Variants in PCDH10 observed in about 807,000 individuals in gnomAD.
PCDH10 encodes protocadherin 10.
A neutral mutation model predicts 74.4 loss-of-function variants in PCDH10; 15 were observed. The ratio of observed to expected loss-of-function variants is 0.20; its 90% CI spans 0.13 to 0.31. The LOEUF (loss-of-function observed/expected upper bound fraction) is 0.31, where lower values mean the gene tolerates loss of function less well. Ranked by LOEUF, PCDH10 falls within the 10% of genes least tolerant of loss-of-function variation. The pLI is 1.00. For synonymous variants in PCDH10, 619 were observed against 589.8 expected (o/e 1.05, Z -0.72); for missense variants, 1,260 against 1,390.2 (o/e 0.91, Z 1.49).
At position 133,163,260 on chromosome 4, in the gene PCDH10, G is replaced by T; in HGVS notation, c.3081G>T (p.Ala1027=). The T allele has an allele frequency of 1.2e-6, 2 of 1,612,426 alleles. No homozygotes were observed. Among genetic ancestry groups the T allele is most frequent in the Non-Finnish European group, 1.7e-6 (2 of 1,179,252 alleles). Residue 1027 remains alanine, a synonymous_variant, in exon 4 of 5, where the codon GCG becomes GCT. Transcript: ENST00000264360. ...ATGGACTGCTGACTAATACGCGAGC[G>T]CCTTACAAACCACCATATTTGAGTA... ...ELDGLLTNTR[A]PYKPPYLTRK...
At position 133,154,353 on chromosome 4, in the gene PCDH10, G is replaced by A. The variant is rs771793990; in HGVS notation, c.2678G>A (p.Arg893His). 14 of 1,603,846 alleles carry A rather than the reference G, an allele frequency of 8.7e-6. No individual in the cohort carries two copies. The highest frequency in any genetic ancestry group is 6.7e-5 in the East Asian group (3 of 44,618). The change falls in exon 2 of 5, where the codon CGC (arginine) becomes CAC (histidine). Residue 893 changes from arginine (R) to histidine (H), a missense_variant. Arg to His is a conservative substitution (Grantham distance 29). Around this residue, in one of 11 missense-constraint regions of PCDH10, gnomAD observed 587 missense variants for 616.9 expected, o/e 0.95. Coordinates refer to ENST00000264360, the MANE Select transcript of PCDH10 (RefSeq NM_032961.3). ...CTCAGCTATCTAGTTGACAGACCTC[G>A]CCGAGTTAACAGGTATGGACTCTTT... ...AELSYLVDRP[R>H]RVNSSAFQEA... is the part of the protein sequence containing the mutation.
intron 4 of PCDH10, among the ~76,000 whole-genome samples, chr4:133,177,758 C>T (rs1727325798): frequency 6.6e-6 from 1 of 152,050 alleles, no homozygotes; most frequent in Non-Finnish European, 1.5e-5. Flanking sequence ...TAGTCACCTG[C>T]AATTAAGCAT....
rs770621178 is a variant in PCDH10 at position 133,151,227 on chromosome 4, G to A, written c.1087G>A (p.Val363Met). The A allele has an allele frequency of 6.2e-7, 1 of 1,613,920 alleles. No individual in the cohort carries two copies. Among genetic ancestry groups the A allele is most frequent in the Admixed American group, 1.7e-5 (1 of 60,020 alleles). ...DNAPEISFST[V>M]KEAVSEGAAP... The stretch of plus-strand genomic sequence containing the variant: ...CGCGCCAGAGATCAGCTTCAGCACC[G>A]TGAAGGAAGCGGTGAGTGAGGGCGC... The change falls in exon 1 of 5, where the codon GTG (valine) becomes ATG (methionine). Residue 363 changes from valine (V) to methionine (M), a missense_variant. Around this residue, in one of 11 missense-constraint regions of PCDH10, gnomAD observed 112 missense variants for 123.6 expected, o/e 0.91. Transcript: ENST00000264360.
rs748097682 is a variant in PCDH10 at position 133,151,598 on chromosome 4, C to T, written c.1458C>T (p.Ser486=). Residue 486 remains serine (S), a synonymous_variant, in exon 1 of 5, where the codon AGC becomes AGT. Transcript: ENST00000264360. ...CTGGCGCCTACATCTACGCGGTGAG[C>T]GCCACCGACCGGGATGAGGGCGCCA... The part of the protein sequence containing the change: ...NVPGAYIYAV[S]ATDRDEGANA... 48 of 1,613,766 alleles carry T rather than the reference C, an allele frequency of 3.0e-5. No homozygotes were observed. The highest frequency in any genetic ancestry group is 3.3e-4 in the Middle Eastern group (2 of 6,084).
intron 3 of PCDH10, 64 bp from the exon 4 acceptor site, chr4:133,162,913 C>T: frequency 2.2e-6 from 3 of 1,376,218 alleles, no homozygotes; most frequent in Non-Finnish European, 3.0e-6. Flanking sequence ...TGTAATCTTA[C>T]ACTGCTAAGT....
At chr4:133,161,067 T>A (rs1441323305) in intron 3 of PCDH10, among the ~76,000 whole-genome samples, 1 of 152,058 alleles carries the variant, frequency 6.6e-6, no homozygotes, top group Admixed American at 6.6e-5. Context: ...AAAATTAGGA[T>A]AAAGGAGTGA....
At chr4:133,155,458 A>G (rs745349522) in intron 3 of PCDH10, among the ~76,000 whole-genome samples, 3 of 152,232 alleles carry the variant, frequency 2.0e-5, no homozygotes, top group Non-Finnish European at 4.4e-5. Context: ...GAAGACTAGA[A>G]TCCACATTTC....
chr4:133,184,782 AT>A (rs1560714342), intron 4 of PCDH10, among the ~76,000 whole-genome samples: 5 of 138,360 alleles, frequency 3.6e-5, no homozygotes, highest in South Asian at 2.2e-4. Context: ...AAATATATAT[AT>A]AAATATATAT....
chr4:133,158,118 A>C (rs1358617189), intron 3 of PCDH10, among the ~76,000 whole-genome samples: 1 of 152,216 alleles, frequency 6.6e-6, no homozygotes, highest in Non-Finnish European at 1.5e-5. Context: ...CACAAGAGGA[A>C]AAACTGATTA....
downstream of PCDH10, among the ~76,000 whole-genome samples, chr4:133,196,922 T>C (rs1542986): frequency 0.92 from 140,745 of 152,268 alleles, 65,083 homozygotes; most frequent in Admixed American, 0.96. Flanking sequence ...GTATAGAATA[T>C]AGTCTACAAA....
At position 133,151,813 on chromosome 4, in the gene PCDH10, C is replaced by G; in HGVS notation, c.1673C>G (p.Ala558Gly). ...AGCCCCCAGGCGCTGGCTGGTAACGCCACTGTCAACATCCTCATAGTGGAT... is the reference window on the plus strand; with the variant it reads ...AGCCCCCAGGCGCTGGCTGGTAACGGCACTGTCAACATCCTCATAGTGGAT... Reference protein sequence around the residue: ...AGSPQALAGNATVNILIVDQN... With the variant: ...AGSPQALAGNGTVNILIVDQN... The change falls in exon 1 of 5, where the codon GCC becomes GGC. Residue 558 changes from alanine to glycine, a missense_variant. Ala to Gly is a moderately conservative substitution (Grantham distance 60, BLOSUM62 0). This residue lies in a region of PCDH10 where 587 missense variants were observed against 616.9 expected (regional missense o/e 0.95). Transcript: ENST00000264360. The G allele has an allele frequency of 1.2e-6, 2 of 1,613,118 alleles. No homozygotes were observed. The highest frequency in any genetic ancestry group is 1.7e-6 in the Non-Finnish European group (2 of 1,180,052).
chr4:133,160,661 T>A (rs1051505070), intron 3 of PCDH10, among the ~76,000 whole-genome samples: 11 of 150,370 alleles, frequency 7.3e-5, no homozygotes, highest in Non-Finnish European at 1.0e-4. Flanking sequence ...TGTGGAATCG[T>A]CATATTCACA....
intron 3 of PCDH10, among the ~76,000 whole-genome samples, chr4:133,156,745 T>C (rs940922518): frequency 9.2e-5 from 14 of 152,206 alleles, no homozygotes; most frequent in Non-Finnish European, 1.9e-4. Flanking sequence ...CACTTCAATC[T>C]CAATGAACAT....
In PCDH10 at chr4:133,163,185, C is replaced by T. The variant is rs762166123; in HGVS notation, c.3006C>T (p.Thr1002=). ...AQPGAERSFS[T]FGKEKALHST... ...CTGGGGCAGAGCGGTCCTTTTCCAC[C>T]TTTGGCAAAGAGAAGGCCCTTCACA... Residue 1002 remains threonine (T), a synonymous_variant, in exon 4 of 5, where the codon ACC becomes ACT. Coordinates refer to ENST00000264360, the MANE Select transcript of PCDH10 (RefSeq NM_032961.3). 1.2e-6 allele frequency: 2 copies of T among 1,614,088 alleles called. No homozygotes were observed. Among genetic ancestry groups the T allele is most frequent in the South Asian group, 2.2e-5 (2 of 91,086 alleles).
chr4:133,199,462 G>C (rs1383416293), downstream of PCDH10, among the ~76,000 whole-genome samples: 2 of 151,310 alleles, frequency 1.3e-5, no homozygotes, highest in East Asian at 1.9e-4. Flanking sequence ...TAAAAATGGA[G>C]GGGAGAGGAT....
chr4:133,152,924 C>G (rs369547380), intron 1 of PCDH10, 153 bp downstream of exon 1: 3 of 1,457,414 alleles, frequency 2.1e-6, no homozygotes, highest in South Asian at 2.9e-5. Context: ...GTCACCTTCT[C>G]CCACTCCTTC....
intron 4 of PCDH10, among the ~76,000 whole-genome samples, chr4:133,180,645 A>G (rs900202554): frequency 6.6e-6 from 1 of 151,992 alleles, no homozygotes; most frequent in Non-Finnish European, 1.5e-5. Context: ...TACTGGCCCC[A>G]AGAAAGATTG....
intron 4 of PCDH10, among the ~76,000 whole-genome samples, chr4:133,183,249 G>A (rs1272980060): frequency 1.3e-5 from 2 of 152,058 alleles, no homozygotes; most frequent in Admixed American, 1.3e-4. Flanking sequence ...ATGAGAGGTA[G>A]TTGACATAGT....
chr4:133,174,274 T>C (rs1461745309), intron 4 of PCDH10, among the ~76,000 whole-genome samples: 2 of 151,958 alleles, frequency 1.3e-5, no homozygotes, highest in African/African-American at 4.8e-5. Flanking sequence ...AAAGCAGATC[T>C]TATATGCCAT....
Sources: gnomAD v4.1 joint callset for allele counts (sites outside exome capture counted in the v4.1 genomes callset) on GRCh38, gnomAD v4.1.1 for gene constraint, gnomAD v4.1.1 regional missense constraint, MANE v1.5 for transcripts, NCBI Gene and HGNC (gene_info 2026-07-23, HGNC 2026-07-21) for gene names.